NEBL: variants seen among roughly 807,000 people sequenced by gnomAD.
NEBL encodes the protein LIM and SH3 protein 2.
Under a neutral mutation model 140.2 loss-of-function variants are expected in NEBL, and 122 were observed. The observed-to-expected ratio is 0.87, with a 90% CI of 0.75 to 1.01. The LOEUF (loss-of-function observed/expected upper bound fraction) is 1.01, where lower values mean the gene tolerates loss of function less well. Among genes scored for constraint, NEBL ranks in the 50% least tolerant of loss-of-function variants. The pLI is 0.00. For missense variants in NEBL, 1,365 were observed against 1,231.3 expected, an observed-to-expected ratio of 1.11 and a Z score of -1.62; for synonymous variants, 436 against 398.9, an observed-to-expected ratio of 1.09 and a Z score of -1.11.
intron 2 of NEBL, among the ~76,000 whole-genome samples, chr10:21,025,237 A>T (rs1198305737): frequency 6.6e-6 from 1 of 152,196 alleles, no homozygotes; most frequent in East Asian, 1.9e-4. Context: ...ATGACATGTA[A>T]CGCATTCAGA....
At chr10:20,863,569 C>T (rs1843949617) in intron 7 of NEBL, among the ~76,000 whole-genome samples, 1 of 152,146 alleles carries the variant, frequency 6.6e-6, no homozygotes, top group South Asian at 2.1e-4. Flanking sequence ...TAATTTTACA[C>T]AACACAATAT....
intron 2 of NEBL, among the ~76,000 whole-genome samples, chr10:21,069,466 A>G (rs942854428): frequency 4.6e-5 from 7 of 152,202 alleles, no homozygotes; most frequent in Non-Finnish European, 8.8e-5. Context: ...TAGTTTGTCA[A>G]GCTGTCCAGG....
chr10:21,127,328 A>C (rs1838886136), intron 2 of NEBL, among the ~76,000 whole-genome samples: 1 of 152,218 alleles, frequency 6.6e-6, no homozygotes, highest in Non-Finnish European at 1.5e-5. Flanking sequence ...AAATGCAGAA[A>C]GAATGATGGA....
At chr10:21,011,678 C>T (rs1564479496) in intron 3 of NEBL, among the ~76,000 whole-genome samples, 1 of 149,176 alleles carries the variant, frequency 6.7e-6, no homozygotes, top group Non-Finnish European at 1.5e-5. Flanking sequence ...CATCTGTTGG[C>T]ATCTGTTGGC....
At chr10:20,868,841 A>T in intron 6 of NEBL, 76 bp from the exon 7 acceptor site, 2 of 972,312 alleles carry the variant, frequency 2.1e-6, no homozygotes, top group Non-Finnish European at 3.3e-6. Flanking sequence ...AGCCAAAAAA[A>T]AAAAAAATAA....
Position 20,814,025 on chromosome 10 carries a change from G to T in NEBL, c.2260C>A (p.His754Asn). 1.9e-6 allele frequency: 3 copies of T among 1,604,190 alleles called. No individual in the cohort carries two copies. The highest frequency in any genetic ancestry group is 2.6e-6 in the Non-Finnish European group (3 of 1,171,106). Residue 754 changes from histidine to asparagine, a missense_variant, in exon 23 of 28, where the codon CAT (histidine) becomes AAT (asparagine). His to Asn is a moderately conservative substitution (Grantham distance 68, BLOSUM62 1). Transcript: ENST00000377122. ...CTTGGTCTACCTTTCATCTGTTTAT[G>T]GTCCTGGGTATATTTTACCTGCAAA... ...NISSVKYTQD[H>N]KQMKGRPSLI...
intron 3 of NEBL, among the ~76,000 whole-genome samples, chr10:20,967,653 G>A (rs1189519426): frequency 1.3e-5 from 2 of 151,976 alleles, no homozygotes; most frequent in African/African-American, 4.8e-5. Context: ...AGTGCATACT[G>A]GTGAATGTAT....
chr10:21,099,330 C>A (rs1837359690), intron 2 of NEBL, among the ~76,000 whole-genome samples: 1 of 152,158 alleles, frequency 6.6e-6, no homozygotes, highest in Admixed American at 6.5e-5. Context: ...CTTTGCTCAG[C>A]TTGCTTCCCT....
intron 3 of NEBL, among the ~76,000 whole-genome samples, chr10:21,205,981 C>T (rs1166954159): frequency 1.3e-5 from 2 of 152,134 alleles, no homozygotes; most frequent in East Asian, 1.9e-4. Context: ...ACAAAAATAT[C>T]GTTAAGATTA....
chr10:21,103,215 C>CTT (rs576823735), intron 2 of NEBL, among the ~76,000 whole-genome samples: 9 of 140,258 alleles, frequency 6.4e-5, no homozygotes, highest in African/African-American at 7.9e-5. Context: ...TTTTCAACTC[C>CTT]TTTTTTTTTT....
intron 4 of NEBL, among the ~76,000 whole-genome samples, chr10:20,947,084 A>G (rs1264484941): frequency 6.6e-6 from 1 of 152,226 alleles, no homozygotes; most frequent in Admixed American, 6.5e-5. Context: ...AAGGATTTAC[A>G]GTTTAATACT....
chr10:21,265,011 C>A (rs996084897), intron 1 of NEBL, among the ~76,000 whole-genome samples: 1 of 152,002 alleles, frequency 6.6e-6, no homozygotes, highest in Non-Finnish European at 1.5e-5. Flanking sequence ...CAACCTCTAC[C>A]TCCTGGGTTC....
chr10:21,090,323 C>T (rs912851427), intron 2 of NEBL, among the ~76,000 whole-genome samples: 1 of 152,194 alleles, frequency 6.6e-6, no homozygotes, highest in Non-Finnish European at 1.5e-5. Flanking sequence ...CTCAACCAAT[C>T]GCCAATCAAA....
chr10:21,268,695 T>C (rs1842827369), intron 1 of NEBL, among the ~76,000 whole-genome samples: 1 of 151,956 alleles, frequency 6.6e-6, no homozygotes, highest in Non-Finnish European at 1.5e-5. Flanking sequence ...GGTTAAATTC[T>C]GTATTTTTCA....
chr10:21,185,487 C>CTTTTTTTTTTT (rs10612676), intron 3 of NEBL, among the ~76,000 whole-genome samples: 13 of 72,076 alleles, frequency 1.8e-4, no homozygotes, highest in Non-Finnish European at 2.6e-4. Context: ...ATTTTCTTTC[C>CTTTTTTTTTTT]TTTTTTTTTT....
chr10:20,899,464 A>C, upstream of NEBL: 1 of 1,287,230 alleles, frequency 7.8e-7, no homozygotes, highest in Non-Finnish European at 1.0e-6. Context: ...CAAGAAAATA[A>C]GCTGTTGAGA....
In NEBL at chr10:21,220,172, C is replaced by T. The variant is rs529999378; in HGVS notation, n.348+27749G>A. ...AAGTGATCCGCCCATCTTGGCCTCC[C>T]GAAGTGCTGGGATTACAGGCATGAG... is the stretch of plus-strand genomic sequence containing the variant. On this transcript the variant is annotated intron_variant and non_coding_transcript_variant, in intron 3 of 8. Transcript: ENST00000675702. Among the ~76,000 whole-genome samples, 3 of 152,230 alleles carry T rather than the reference C, an allele frequency of 2.0e-5. No homozygotes were observed. The South Asian group carries it at 6.2e-4, about 32-fold the overall frequency.
At chr10:20,896,483 C>CATATATATATATATAAATATATAT (rs1847491688) in intron 2 of NEBL, among the ~76,000 whole-genome samples, 1 of 88,080 alleles carries the variant, frequency 1.1e-5, no homozygotes, top group South Asian at 3.6e-4. Flanking sequence ...ATATTATATG[C>CATATATATATATATAAATATATAT]ATATATATAT....
At chr10:20,812,459 A>T (rs1044857358) in intron 24 of NEBL, among the ~76,000 whole-genome samples, 42 of 137,726 alleles carry the variant, frequency 3.0e-4, no homozygotes, top group Admixed American at 7.9e-4. Flanking sequence ...TCCTAATGCT[A>T]TCCCTCCCCC....
Sources: gnomAD v4.1 joint callset for allele counts (sites outside exome capture counted in the v4.1 genomes callset) on GRCh38, gnomAD v4.1.1 for gene constraint, MANE v1.5 for transcripts, NCBI Gene and HGNC (gene_info 2026-07-23, HGNC 2026-07-21) for gene names.